EVC2: variants seen among roughly 807,000 people sequenced by gnomAD.
The protein encoded by EVC2 is EvC ciliary complex subunit 2.
Under a neutral mutation model 149.3 loss-of-function variants are expected in EVC2, and 148 were observed. The ratio of observed to expected loss-of-function variants is 0.99; its 90% CI spans 0.87 to 1.14. EVC2 has a LOEUF of 1.14. Ranked by LOEUF, EVC2 falls within the 50% of genes most tolerant of loss-of-function variation. The pLI, the probability that EVC2 is intolerant of heterozygous loss-of-function variation, is 0.00. For missense variants in EVC2, 1,854 were observed against 1,627.3 expected (o/e 1.14, Z -2.40); for synonymous variants, 776 against 649.9 (o/e 1.19, Z -2.95).
chr4:5,671,878 A>G (rs186901650), intron 7 of EVC2, among the ~76,000 whole-genome samples: 1 of 152,330 alleles, frequency 6.6e-6, no homozygotes, highest in East Asian at 1.9e-4. Flanking sequence ...GTTTGCTATA[A>G]TTTGTTTGCC....
chr4:5,616,112 C>A (rs1056141467), intron 15 of EVC2, among the ~76,000 whole-genome samples: 1 of 152,180 alleles, frequency 6.6e-6, no homozygotes, highest in African/African-American at 2.4e-5. Flanking sequence ...GCAGTGATGT[C>A]AAGCCGGTAG....
At chr4:5,693,825 G>A (rs751831562) in intron 3 of EVC2, among the ~76,000 whole-genome samples, 1 of 152,186 alleles carries the variant, frequency 6.6e-6, no homozygotes, top group Non-Finnish European at 1.5e-5. Context: ...ACGGAGCTCT[G>A]CCACTTCTAC....
chr4:5,691,421 C>A, intron 3 of EVC2, 88 bp from the exon 4 acceptor site: 1 of 1,105,074 alleles, frequency 9.0e-7, no homozygotes, highest in Non-Finnish European at 1.3e-6. Flanking sequence ...GAAATTTTTA[C>A]AGAGGGTAGA....
chr4:5,546,780 C>T (rs775211990), intron 21 of EVC2, among the ~76,000 whole-genome samples: 117 of 152,186 alleles, frequency 7.7e-4, no homozygotes, highest in Non-Finnish European at 9.7e-4. Context: ...ATTGCTTTCT[C>T]CATCTGATGG....
chr4:5,623,072 A>C, intron 13 of EVC2, 81 bp from the exon 14 acceptor site: 1 of 1,309,970 alleles, frequency 7.6e-7, no homozygotes, highest in African/African-American at 1.5e-5. Context: ...TGTTGCAGGA[A>C]GCACAGAATG....
At chr4:5,623,655 T>TA (rs993781383) in intron 13 of EVC2, among the ~76,000 whole-genome samples, 2 of 151,928 alleles carry the variant, frequency 1.3e-5, no homozygotes, top group African/African-American at 2.4e-5. Context: ...AGTTACTGTT[T>TA]AAAAAAAATA....
At chr4:5,536,038 TG>T in the EVC2 span, among the ~76,000 whole-genome samples, 1 of 152,032 alleles carries the variant, frequency 6.6e-6, no homozygotes, top group Non-Finnish European at 1.5e-5. Flanking sequence ...CAGGCCCATC[TG>T]CTTGGATTCC....
intron 21 of EVC2, among the ~76,000 whole-genome samples, chr4:5,547,063 G>A (rs893996751): frequency 6.6e-6 from 1 of 152,216 alleles, no homozygotes; most frequent in Admixed American, 6.5e-5. Context: ...TGCACTCTTG[G>A]GGGTCCAGGA....
intron 16 of EVC2, among the ~76,000 whole-genome samples, chr4:5,593,184 G>T (rs1337489053): frequency 6.6e-6 from 1 of 152,104 alleles, no homozygotes; most frequent in Non-Finnish European, 1.5e-5. Context: ...CCAGTCTCGG[G>T]TATGTCCTTA....
At chr4:5,706,445 G>GATAGATAGATACATACATACATAC (rs1722194190) in intron 1 of EVC2, among the ~76,000 whole-genome samples, 1 of 25,764 alleles carries the variant, frequency 3.9e-5, no homozygotes, top group Non-Finnish European at 7.4e-5. Flanking sequence ...TAGATAGATA[G>GATAGATAGATACATACATACATAC]ATACATACAT....
At chr4:5,594,904 A>G (rs1713231843) in intron 16 of EVC2, among the ~76,000 whole-genome samples, 2 of 152,240 alleles carry the variant, frequency 1.3e-5, no homozygotes, top group Admixed American at 1.3e-4. Context: ...CCAAGGCTAG[A>G]GAACTACGAG....
At chr4:5,678,479 T>A (rs1009648529) in intron 7 of EVC2, among the ~76,000 whole-genome samples, 4 of 152,214 alleles carry the variant, frequency 2.6e-5, no homozygotes, top group African/African-American at 9.6e-5. Context: ...ATCTTTTCAT[T>A]GTAGTAAGTC....
intron 5 of EVC2, among the ~76,000 whole-genome samples, chr4:5,687,748 G>A (rs1720821917): frequency 6.6e-6 from 1 of 152,128 alleles, no homozygotes; most frequent in Non-Finnish European, 1.5e-5. Context: ...GCTGGGTCTC[G>A]CAGGAGCATG....
chr4:5,613,564 G>T lies in EVC2; in HGVS notation c.2829+1858C>A, dbSNP rs115593883. 1.3e-5 allele frequency among the ~76,000 whole-genome samples: 2 copies of T among 152,082 alleles called. No homozygotes were observed. The highest frequency in any genetic ancestry group is 4.8e-5 in the African/African-American group (2 of 41,410). The stretch of plus-strand genomic sequence containing the variant: ...AACTGGGAATAAACTGGGACAGCTT[G>T]GCTTACCTCTCTCGCTTCTCTTTGG... On this transcript the variant is annotated intron_variant, in intron 16 of 21. Coordinates refer to ENST00000344408, the MANE Select transcript of EVC2 (RefSeq NM_147127.5). This position sits in a 1 kb window ranked among gnomAD's most constrained non-coding sequence, Gnocchi z 4.6.
chr4:5,668,526 G>C (rs960233985), intron 7 of EVC2, among the ~76,000 whole-genome samples: 20 of 152,074 alleles, frequency 1.3e-4, no homozygotes, highest in Admixed American at 7.9e-4. Context: ...CCTGAGCCCT[G>C]AGTGTGTACC....
At chr4:5,702,613 A>G (rs966549755) in intron 1 of EVC2, among the ~76,000 whole-genome samples, 3 of 152,230 alleles carry the variant, frequency 2.0e-5, no homozygotes, top group African/African-American at 7.2e-5. Context: ...GAGCATATGA[A>G]ATGTTTAAGT....
At position 5,708,523 on chromosome 4, in the gene EVC2, G is replaced by A. The variant is rs1308810577; in HGVS notation, c.-10C>T. On this transcript the variant is annotated 5_prime_UTR_variant, in exon 1 of 22. Transcript: ENST00000344408. Reference sequence around the variant, plus strand: ...AGCCCGAGGGGTCCATCGCCTGTCGGGACCCGCTACCTCAAAGCGGCGGGT... The same window carrying A: ...AGCCCGAGGGGTCCATCGCCTGTCGAGACCCGCTACCTCAAAGCGGCGGGT... The A allele has an allele frequency of 5.5e-6, 8 of 1,448,348 alleles. No individual in the cohort carries two copies. In the Admixed American group the frequency reaches 1.9e-4, roughly 34 times the overall value. The allele number at this position is 1,448,348 out of a possible 1,614,324, so 89.7% of individuals were successfully genotyped here. A position where few individuals can be genotyped will look rare whatever the true frequency, so the allele number is the denominator to read the frequency against.
chr4:5,670,942 A>C lies in EVC2; in HGVS notation c.871-5293T>G, dbSNP rs1403458922. The stretch of plus-strand genomic sequence containing the variant: ...AATCACTATAAACATCATCAATATC[A>C]CCATCACCATCATCTTCACGCCCAC... On this transcript the variant is annotated intron_variant, in intron 7 of 21. Transcript: ENST00000344408. This position sits in a 1 kb window ranked among gnomAD's most constrained non-coding sequence, Gnocchi z 5.2. Among the ~76,000 whole-genome samples the C allele has an allele frequency of 6.6e-6, 1 of 151,986 alleles. No individual in the cohort carries two copies. The highest frequency in any genetic ancestry group is 2.4e-5 in the African/African-American group (1 of 41,390).
At chr4:5,706,506 G>A (rs1489316933) in intron 1 of EVC2, among the ~76,000 whole-genome samples, 3 of 148,214 alleles carry the variant, frequency 2.0e-5, no homozygotes, top group Admixed American at 6.7e-5. Context: ...ATGGATAGAT[G>A]GTATCAAGTA....
Sources: gnomAD v4.1 joint callset for allele counts (sites outside exome capture counted in the v4.1 genomes callset) on GRCh38, gnomAD v4.1.1 for gene constraint, Gnocchi (gnomAD v3.1) non-coding constraint, MANE v1.5 for transcripts, NCBI Gene and HGNC (gene_info 2026-07-23, HGNC 2026-07-21) for gene names.